Variants in ZNF740 observed in about 807,000 individuals in gnomAD.
The protein encoded by ZNF740 is oriLyt TD-element-binding protein 7.
A neutral mutation model predicts 24.8 loss-of-function variants in ZNF740; 14 were observed. The observed-to-expected ratio is 0.56, with a 90% CI of 0.37 to 0.88. The LOEUF (loss-of-function observed/expected upper bound fraction) is 0.88. Among genes scored for constraint, ZNF740 ranks in the 40% least tolerant of loss-of-function variants. ZNF740 has a pLI of 0.00. For synonymous variants in ZNF740, 69 were observed against 84.0 expected (o/e 0.82, Z 0.98); for missense variants, 201 against 247.9 (o/e 0.81, Z 1.27).
rs1942011078 is a variant in ZNF740, at chr12:53,192,854, C to T, written c.*5264C>T. 1.9e-6 allele frequency: 3 copies of T among 1,614,238 alleles called. No individual in the cohort carries two copies. Among genetic ancestry groups the T allele is most frequent in the Non-Finnish European group, 2.5e-6 (3 of 1,180,054 alleles). Reference sequence around the variant, plus strand: ...TCCATGTCCCCACTGCATTCGCATGCTCTGCCCGTGCGGTTGGCATGACAG... The same window carrying T: ...TCCATGTCCCCACTGCATTCGCATGTTCTGCCCGTGCGGTTGGCATGACAG... On this transcript the variant is annotated 3_prime_UTR_variant, in exon 7 of 7. Coordinates refer to ENST00000416904, the MANE Select transcript of ZNF740 (RefSeq NM_001004304.4).
In ZNF740 at chr12:53,185,952, A is replaced by T; in HGVS notation, c.250-2A>T. 6.2e-7 allele frequency: 1 copy of T among 1,613,636 alleles called. No individual in the cohort carries two copies. Among genetic ancestry groups the T allele is most frequent in the Non-Finnish European group, 8.5e-7 (1 of 1,179,682 alleles). Reference sequence around the variant, plus strand: ...CATGACATGCCTGATTATTGCCCCCAGGTGGTGGTAGTGGAACAAAATGGT... The same window carrying T: ...CATGACATGCCTGATTATTGCCCCCTGGTGGTGGTAGTGGAACAAAATGGT... On this transcript the variant is annotated splice_acceptor_variant, in intron 4 of 6. Transcript: ENST00000416904. LOFTEE classifies it high-confidence loss of function.
intron 2 of ZNF740, among the ~76,000 whole-genome samples, chr12:53,182,875 G>T (rs902877298): frequency 8.5e-5 from 13 of 152,194 alleles, no homozygotes; most frequent in African/African-American, 2.9e-4. Context: ...TCAGTGTTAT[G>T]TAGAAGGTCA....
chr12:53,183,266 G>A (rs756344751), intron 2 of ZNF740, among the ~76,000 whole-genome samples: 20 of 152,308 alleles, frequency 1.3e-4, no homozygotes, highest in Non-Finnish European at 2.8e-4. Context: ...ACCCTGTAAG[G>A]ATAAGCATTA....
Position 53,194,403 on chromosome 12 carries a change from CT to C in ZNF740, c.*6815del. The C allele has an allele frequency of 1.3e-6, 2 of 1,549,052 alleles. No homozygotes were observed. Among genetic ancestry groups the C allele is most frequent in the South Asian group, 2.3e-5 (2 of 86,866 alleles). ...AGGCAGAAAAGGACTCCAACCCCAC[CT>C]TATGTCCTCTCCAGGTGTTCCCAAT... On this transcript the variant is annotated 3_prime_UTR_variant, in exon 7 of 7. Transcript: ENST00000416904.
At chr12:53,184,829 T>A in intron 2 of ZNF740, 62 bp from the exon 3 acceptor site, 1 of 1,557,266 alleles carries the variant, frequency 6.4e-7, no homozygotes, top group Non-Finnish European at 8.7e-7. Context: ...CTATAGAGGA[T>A]GGCAGTCTGT....
intron 5 of ZNF740, 43 bp from the exon 6 acceptor site, chr12:53,186,348 G>A (rs3814779): frequency 0.06 from 90,994 of 1,511,408 alleles, 3,455 homozygotes; most frequent in East Asian, 0.18. Context: ...GGTCCCTACT[G>A]TACATACCTC....
chr12:53,191,507 C>G lies in ZNF740; in HGVS notation c.*3917C>G. On this transcript the variant is annotated 3_prime_UTR_variant, in exon 7 of 7. Coordinates refer to ENST00000416904, the MANE Select transcript of ZNF740 (RefSeq NM_001004304.4). ...CCACCCTTCCTCTCACCCTCCAGTT[C>G]CCACTGTCCTCCAAGGAGAAGAGCC... 1 of 1,442,506 alleles carries G rather than the reference C, an allele frequency of 6.9e-7. No homozygotes were observed. The highest frequency in any genetic ancestry group is 1.1e-5 in the South Asian group (1 of 87,610). 89.4% of individuals were successfully genotyped at this position (1,442,506 alleles called of 1,614,324 possible). A position where few individuals can be genotyped will look rare whatever the true frequency, so the allele number is the denominator to read the frequency against.
At chr12:53,181,634 A>G in intron 1 of ZNF740, 43 bp from the exon 2 acceptor site, 1 of 479,246 alleles carries the variant, frequency 2.1e-6, no homozygotes, top group Non-Finnish European at 3.0e-6. Flanking sequence ...AATGGCCTGA[A>G]GATGTTGCAT....
chr12:53,181,102 A>G (rs1245823217), intron 1 of ZNF740: 3 of 938,902 alleles, frequency 3.2e-6, no homozygotes, highest in African/African-American at 1.8e-5. Context: ...GCTTCTCGGC[A>G]CTCTCCGGCT....
chr12:53,192,161 C>T lies in ZNF740; in HGVS notation c.*4571C>T, dbSNP rs6580935. On this transcript the variant is annotated 3_prime_UTR_variant, in exon 7 of 7. Transcript: ENST00000416904. The stretch of plus-strand genomic sequence containing the variant: ...CAGGGAGGTCCAAGGTTATCCTCAC[C>T]GCCCAGGGCCTTAGCCTCGTCCACT... 6.5e-3 allele frequency: 7,868 copies of T among 1,210,954 alleles called. 386 individuals are homozygous for T. The African/African-American group carries it at 0.1, about 16-fold the overall frequency. 75.0% of individuals were successfully genotyped at this position (1,210,954 alleles called of 1,614,324 possible).
At position 53,190,487 on chromosome 12, in the gene ZNF740, TC is replaced by T. The variant is rs1941911690; in HGVS notation, c.*2898del. 1 of 152,794 alleles carries T rather than the reference TC, an allele frequency of 6.5e-6. No homozygotes were observed. Among genetic ancestry groups the T allele is most frequent in the African/African-American group, 2.4e-5 (1 of 41,424 alleles). 9.5% of individuals were successfully genotyped at this position (152,794 alleles called of 1,614,324 possible). A position where few individuals can be genotyped will look rare whatever the true frequency, so the allele number is the denominator to read the frequency against. ...TATAAACAGTCTGCTTTGCCCCAAG[TC>T]TTTTCCGTCCACCCCCAACAGCCTT... is the stretch of plus-strand genomic sequence containing the variant. On this transcript the variant is annotated 3_prime_UTR_variant, in exon 7 of 7. Transcript: ENST00000416904.
chr12:53,180,871 C>A, intron 1 of ZNF740, 34 bp downstream of exon 1: 1 of 1,220,724 alleles, frequency 8.2e-7, no homozygotes, highest in Non-Finnish European at 1.0e-6. Flanking sequence ...CAGCGTCGTC[C>A]GTACAGACGG....
In ZNF740 at chr12:53,192,186, T is replaced by A; in HGVS notation, c.*4596T>A. 3.4e-6 allele frequency: 4 copies of A among 1,190,042 alleles called. No individual in the cohort carries two copies. Among genetic ancestry groups the A allele is most frequent in the Non-Finnish European group, 4.7e-6 (4 of 842,428 alleles). The allele number at this position is 1,190,042 out of a possible 1,614,324, so 73.7% of individuals were successfully genotyped here. On this transcript the variant is annotated 3_prime_UTR_variant, in exon 7 of 7. Transcript: ENST00000416904. ...CGCCCAGGGCCTTAGCCTCGTCCAC[T>A]TGCTCAATTGCCTCTGCCTTTGTCC...
rs768565917 is a variant in ZNF740, at chr12:53,191,732, C to T, written c.*4142C>T. On this transcript the variant is annotated 3_prime_UTR_variant, in exon 7 of 7. Coordinates refer to ENST00000416904, the MANE Select transcript of ZNF740 (RefSeq NM_001004304.4). ...CCAGCCTTGAGCCGAATCCTAGGAG[C>T]TGATGGAAGTTAGCAGAGGGGTTGG... 6.6e-7 allele frequency: 1 copy of T among 1,517,054 alleles called. No homozygotes were observed. Among genetic ancestry groups the T allele is most frequent in the Non-Finnish European group, 9.1e-7 (1 of 1,093,402 alleles). The allele number at this position is 1,517,054 out of a possible 1,614,324, so 94.0% of individuals were successfully genotyped here. A position where few individuals can be genotyped will look rare whatever the true frequency, so the allele number is the denominator to read the frequency against.
rs147592636 is a variant in ZNF740 at position 53,188,887 on chromosome 12, GGTGTGTGTGTGT to G, written c.*1303_*1314del. 1 of 150,992 alleles carries G rather than the reference GGTGTGTGTGTGT, an allele frequency of 6.6e-6. No homozygotes were observed. 9.4% of individuals were successfully genotyped at this position (150,992 alleles called of 1,614,324 possible). On this transcript the variant is annotated 3_prime_UTR_variant, in exon 7 of 7. Coordinates refer to ENST00000416904, the MANE Select transcript of ZNF740 (RefSeq NM_001004304.4). ...TTGTCCACTCCCAAAAAAGTAATCG[GGTGTGTGTGTGT>G]GTGTGAGAGAGAGTGTGTGTGAGAT...
chr12:53,191,299 G>A lies in ZNF740; in HGVS notation c.*3709G>A. Reference sequence around the variant, plus strand: ...AAACAGTCTGCTTTGGCCTTGATGAGGTAAAGCAAAGTGACAGCTGTGGTC... The same window carrying A: ...AAACAGTCTGCTTTGGCCTTGATGAAGTAAAGCAAAGTGACAGCTGTGGTC... On this transcript the variant is annotated 3_prime_UTR_variant, in exon 7 of 7. Transcript: ENST00000416904. 2.0e-6 allele frequency: 1 copy of A among 500,544 alleles called. No homozygotes were observed. The highest frequency in any genetic ancestry group is 3.7e-6 in the Non-Finnish European group (1 of 273,242). The allele number at this position is 500,544 out of a possible 1,614,324, so 31.0% of individuals were successfully genotyped here. A position where few individuals can be genotyped will look rare whatever the true frequency, so the allele number is the denominator to read the frequency against.
rs1185436061 is a variant in ZNF740, at chr12:53,189,123, T to C, written c.*1533T>C. 6.6e-6 allele frequency: 1 copy of C among 151,852 alleles called. No homozygotes were observed. Among genetic ancestry groups the C allele is most frequent in the East Asian group, 1.9e-4 (1 of 5,190 alleles). The allele number at this position is 151,852 out of a possible 1,614,324, so 9.4% of individuals were successfully genotyped here. A position where few individuals can be genotyped will look rare whatever the true frequency, so the allele number is the denominator to read the frequency against. On this transcript the variant is annotated 3_prime_UTR_variant, in exon 7 of 7. Transcript: ENST00000416904. ...TTTTGTTTTGGAGGGTTTTTTTTTT[T>C]AAGATGAATTCAACAGCCTGGTGGT...
chr12:53,191,904 T>C lies in ZNF740; in HGVS notation c.*4314T>C, dbSNP rs1197102258. On this transcript the variant is annotated 3_prime_UTR_variant, in exon 7 of 7. Transcript: ENST00000416904. ...GCTGCTCCTTCTCAAAGCGACTGTATTCCCGGCGGTCATAGATTTCCACCG... is the reference window on the plus strand; with the variant it reads ...GCTGCTCCTTCTCAAAGCGACTGTACTCCCGGCGGTCATAGATTTCCACCG... 1 of 1,612,364 alleles carries C rather than the reference T, an allele frequency of 6.2e-7. No homozygotes were observed. The highest frequency in any genetic ancestry group is 1.1e-5 in the South Asian group (1 of 91,076).
rs537087322 is a variant in ZNF740 at position 53,193,011 on chromosome 12, C to T, written c.*5421C>T. The T allele has an allele frequency of 1.8e-5, 25 of 1,359,006 alleles. No individual in the cohort carries two copies. The highest frequency in any genetic ancestry group is 4.3e-5 in the African/African-American group (3 of 69,774). The allele number at this position is 1,359,006 out of a possible 1,614,324, so 84.2% of individuals were successfully genotyped here. A position where few individuals can be genotyped will look rare whatever the true frequency, so the allele number is the denominator to read the frequency against. On this transcript the variant is annotated 3_prime_UTR_variant, in exon 7 of 7. Transcript: ENST00000416904. The stretch of plus-strand genomic sequence containing the variant: ...ACGCATCCAATCTTTTTGAAGTATG[C>T]CAACCACACCCTCTAACCCATACAC...
Sources: allele counts gnomAD v4.1 joint callset (sites outside exome capture counted in the v4.1 genomes callset), GRCh38; gene constraint gnomAD v4.1.1; transcripts MANE v1.5; gene names NCBI Gene and HGNC (gene_info 2026-07-23, HGNC 2026-07-21).